Variants in ADD3 observed in about 807,000 individuals in gnomAD.
ADD3 encodes adducin 3, also known as gamma-adducin.
ADD3 carries 25 observed loss-of-function variants against 80.2 expected under a neutral mutation model. The ratio of observed to expected loss-of-function variants is 0.31; its 90% CI spans 0.23 to 0.44. The LOEUF (loss-of-function observed/expected upper bound fraction) is 0.44, where lower values mean the gene tolerates loss of function less well. Among genes scored for constraint, ADD3 ranks in the 20% least tolerant of loss-of-function variants. The probability of loss-of-function intolerance (pLI) is 1.00; values close to 1 mark genes in which losing one functional copy is unlikely to be tolerated. For missense variants in ADD3, 829 were observed against 847.5 expected (o/e 0.98, Z 0.27); for synonymous variants, 284 against 289.6 (o/e 0.98, Z 0.20).
At chr10:110,050,122 C>T (rs941702069) in intron 1 of ADD3, among the ~76,000 whole-genome samples, 1 of 152,098 alleles carries the variant, frequency 6.6e-6, no homozygotes, top group African/African-American at 2.4e-5. Flanking sequence ...TGAGTTAATG[C>T]TGAAATGAGT....
intron 1 of ADD3, among the ~76,000 whole-genome samples, chr10:110,060,160 C>T (rs1858709849): frequency 6.6e-6 from 1 of 152,226 alleles, no homozygotes; most frequent in Non-Finnish European, 1.5e-5. Context: ...AGGAGACAGT[C>T]TTGTAAGCTT....
chr10:110,130,617 A>G, intron 13 of ADD3, 131 bp downstream of exon 13: 1 of 942,798 alleles, frequency 1.1e-6, no homozygotes, highest in South Asian at 1.9e-5. Context: ...GCACTTTGGG[A>G]GACCAAGGCA....
chr10:110,036,535 A>G (rs1293655693), intron 1 of ADD3, among the ~76,000 whole-genome samples: 3 of 151,840 alleles, frequency 2.0e-5, no homozygotes, highest in Non-Finnish European at 4.4e-5. Context: ...GCCTGCCACC[A>G]CGCCTGGCTA....
chr10:110,072,802 G>A (rs532105520), intron 1 of ADD3, among the ~76,000 whole-genome samples: 1 of 152,298 alleles, frequency 6.6e-6, no homozygotes, highest in Non-Finnish European at 1.5e-5. Flanking sequence ...GAGAGTAAGA[G>A]CTACTCTTGA....
chr10:110,004,102 A>C (rs1851543725), upstream of ADD3, among the ~76,000 whole-genome samples: 1 of 152,032 alleles, frequency 6.6e-6, no homozygotes, highest in South Asian at 2.1e-4. Context: ...ACAAATAATC[A>C]CCATTTTATT....
chr10:110,005,027 G>A (rs1166551743), upstream of ADD3, among the ~76,000 whole-genome samples: 4 of 152,040 alleles, frequency 2.6e-5, no homozygotes. Flanking sequence ...AATTATTTTA[G>A]ATATATTTTG....
At chr10:110,072,456 G>C (rs1270818916) in intron 1 of ADD3, among the ~76,000 whole-genome samples, 3 of 152,176 alleles carry the variant, frequency 2.0e-5, no homozygotes, top group Non-Finnish European at 4.4e-5. Flanking sequence ...ACGTGTGAGA[G>C]GTATACCCAG....
chr10:110,004,437 C>T (rs758004562), upstream of ADD3, among the ~76,000 whole-genome samples: 1 of 152,032 alleles, frequency 6.6e-6, no homozygotes, highest in Non-Finnish European at 1.5e-5. Flanking sequence ...GCAGGAGAAT[C>T]GCCTGAACCT....
intron 1 of ADD3, among the ~76,000 whole-genome samples, chr10:110,032,921 G>A (rs1213208399): frequency 6.6e-6 from 1 of 152,192 alleles, no homozygotes. Flanking sequence ...ATGATTAAGA[G>A]AAGTTAGAGT....
At chr10:110,033,050 A>G (rs1855240128) in intron 1 of ADD3, among the ~76,000 whole-genome samples, 1 of 152,252 alleles carries the variant, frequency 6.6e-6, no homozygotes, top group South Asian at 2.1e-4. Context: ...ATTTAATTTA[A>G]TCATTCATCC....
upstream of ADD3, among the ~76,000 whole-genome samples, chr10:110,003,871 G>C (rs1375601047): frequency 6.6e-6 from 1 of 152,194 alleles, no homozygotes. Flanking sequence ...GTAGAGAATG[G>C]AGTCAGTTGT....
At chr10:110,027,963 G>T (rs1854507835) in intron 1 of ADD3, among the ~76,000 whole-genome samples, 1 of 152,104 alleles carries the variant, frequency 6.6e-6, no homozygotes, top group Non-Finnish European at 1.5e-5. Context: ...GGTTGTGGGG[G>T]GAAGAAAAGT....
At chr10:110,079,438 G>C (rs971000400) in intron 1 of ADD3, 1 of 118,212 alleles carries the variant, frequency 8.5e-6, no homozygotes, top group Non-Finnish European at 1.7e-5. Context: ...GAGAGAGAGA[G>C]AGAGAGAGAG....
chr10:109,999,724 TTAA>T (rs1388718834), intron 1 of ADD3, among the ~76,000 whole-genome samples: 1 of 152,174 alleles, frequency 6.6e-6, no homozygotes, highest in Non-Finnish European at 1.5e-5. Flanking sequence ...TTCCTCATTA[TTAA>T]TAAAACTATC....
intron 1 of ADD3, among the ~76,000 whole-genome samples, chr10:110,028,073 G>T (rs1033900974): frequency 6.6e-6 from 1 of 152,108 alleles, no homozygotes; most frequent in African/African-American, 2.4e-5. Context: ...TAGAATTGGG[G>T]TTAAATACCT....
At chr10:110,029,767 T>A (rs1443659315) in intron 1 of ADD3, among the ~76,000 whole-genome samples, 15 of 152,240 alleles carry the variant, frequency 9.9e-5, no homozygotes, top group Admixed American at 9.8e-4. Context: ...AGACTTTTCT[T>A]ACCTGATTGA....
At chr10:110,119,731 G>T (rs1851218887) in intron 8 of ADD3, 167 bp downstream of exon 8, 3 of 578,234 alleles carry the variant, frequency 5.2e-6, no homozygotes, top group Non-Finnish European at 9.1e-6. Context: ...CTCTTGAATT[G>T]AAAATAGGAG....
At chr10:110,130,623 A>G (rs954859799) in intron 13 of ADD3, 137 bp downstream of exon 13, 3 of 882,410 alleles carry the variant, frequency 3.4e-6, no homozygotes, top group Non-Finnish European at 5.0e-6. Flanking sequence ...TGGGAGACCA[A>G]GGCAGGTGGA....
chr10:110,041,004 G>A (rs1856288716), intron 1 of ADD3, among the ~76,000 whole-genome samples: 1 of 151,210 alleles, frequency 6.6e-6, no homozygotes, highest in African/African-American at 2.4e-5. Context: ...CTGTCTCTCT[G>A]TCCCTCTCTG....
Sources: gnomAD v4.1 joint callset for allele counts (sites outside exome capture counted in the v4.1 genomes callset) on GRCh38, gnomAD v4.1.1 for gene constraint, MANE v1.5 for transcripts, NCBI Gene and HGNC (gene_info 2026-07-23, HGNC 2026-07-21) for gene names.